Variants in DPYSL3 observed in about 807,000 individuals in gnomAD.
The protein encoded by DPYSL3 is dihydropyrimidinase like 3.
Under a neutral mutation model 66.1 loss-of-function variants are expected in DPYSL3, and 16 were observed. The observed-to-expected ratio is 0.24, with a 90% CI of 0.16 to 0.37. The LOEUF (loss-of-function observed/expected upper bound fraction) is 0.37. DPYSL3 is among the 10% of genes least tolerant of loss of function. The probability of loss-of-function intolerance (pLI) is 1.00; values close to 1 mark genes in which losing one functional copy is unlikely to be tolerated. For synonymous variants in DPYSL3, 338 were observed against 345.1 expected, an observed-to-expected ratio of 0.98 and a Z score of 0.23; for missense variants, 738 against 916.2, an observed-to-expected ratio of 0.81 and a Z score of 2.51.
At position 147,418,635 on chromosome 5, in the gene DPYSL3, G is replaced by A; in HGVS notation, c.471-4C>T. The A allele has an allele frequency of 6.4e-7, 1 of 1,561,756 alleles. No homozygotes were observed. The highest frequency in any genetic ancestry group is 8.7e-7 in the Non-Finnish European group (1 of 1,150,116). The stretch of plus-strand genomic sequence containing the variant: ...AATCAGATTGTCTCCAATTTGTCTG[G>A]TGAAACAAACAAACAAAAAAATGAT... On this transcript the variant is annotated splice_polypyrimidine_tract_variant and splice_region_variant and intron_variant, in intron 2 of 13. Coordinates refer to ENST00000343218, the MANE Select transcript of DPYSL3 (RefSeq NM_001197294.2).
At chr5:147,440,225 C>T (rs1752507852) in intron 1 of DPYSL3, among the ~76,000 whole-genome samples, 1 of 152,136 alleles carries the variant, frequency 6.6e-6, no homozygotes, top group Non-Finnish European at 1.5e-5. Context: ...ATGGCATGAA[C>T]CTGGGAGGCG....
intron 1 of DPYSL3, among the ~76,000 whole-genome samples, chr5:147,500,843 C>A (rs536413092): frequency 6.6e-6 from 1 of 152,256 alleles, no homozygotes; most frequent in Non-Finnish European, 1.5e-5. Flanking sequence ...TGTGGAGCAA[C>A]AAGAATACTC....
At chr5:147,476,936 A>G (rs550819271) in intron 1 of DPYSL3, among the ~76,000 whole-genome samples, 60 of 152,328 alleles carry the variant, frequency 3.9e-4, no homozygotes, top group Non-Finnish European at 7.9e-4. Context: ...GGTTCATCAG[A>G]TTCTTTCAGA....
At chr5:147,410,399 C>T (rs1335253708) in intron 6 of DPYSL3, among the ~76,000 whole-genome samples, 2 of 152,090 alleles carry the variant, frequency 1.3e-5, no homozygotes, top group Admixed American at 1.3e-4. Context: ...GCTAGGAAGT[C>T]CTATTCTGAA....
At chr5:147,464,585 T>A (rs1363956293) in intron 1 of DPYSL3, among the ~76,000 whole-genome samples, 2 of 152,208 alleles carry the variant, frequency 1.3e-5, no homozygotes, top group Non-Finnish European at 2.9e-5. Flanking sequence ...GTATAGTACC[T>A]TTGTGAACTA....
At chr5:147,470,758 T>C (rs1753074836) in intron 1 of DPYSL3, among the ~76,000 whole-genome samples, 1 of 152,146 alleles carries the variant, frequency 6.6e-6, no homozygotes, top group African/African-American at 2.4e-5. Context: ...TCATACCCTC[T>C]GCCTGAAATG....
At chr5:147,454,342 A>G (rs2126401370) in intron 1 of DPYSL3, 1 of 152,318 alleles carries the variant, frequency 6.6e-6, no homozygotes, top group East Asian at 1.9e-4. Context: ...GCCCCTTCAG[A>G]CGCCGGAGAC....
chr5:147,504,013 C>T (rs1399343110), intron 1 of DPYSL3, among the ~76,000 whole-genome samples: 1 of 152,178 alleles, frequency 6.6e-6, no homozygotes, highest in Non-Finnish European at 1.5e-5. Flanking sequence ...TTTAAAAGTG[C>T]TCACACACCT....
At chr5:147,422,654 T>C (rs1474337283) in intron 2 of DPYSL3, among the ~76,000 whole-genome samples, 1 of 151,970 alleles carries the variant, frequency 6.6e-6, no homozygotes, top group East Asian at 1.9e-4. Context: ...ATATACATCA[T>C]GAAATACTAT....
intron 1 of DPYSL3, among the ~76,000 whole-genome samples, chr5:147,434,924 A>G (rs1004118192): frequency 2.6e-5 from 4 of 152,244 alleles, no homozygotes; most frequent in African/African-American, 7.2e-5. Context: ...TCTTCAATGT[A>G]TCAATATTGG....
chr5:147,405,676 G>A lies in DPYSL3; in HGVS notation c.1087C>T (p.Pro363Ser), dbSNP rs1194770990. The A allele has an allele frequency of 6.2e-7, 1 of 1,613,988 alleles. No individual in the cohort carries two copies. The highest frequency in any genetic ancestry group is 8.5e-7 in the Non-Finnish European group (1 of 1,179,994). ...CTCATGACCTTTGTGACGTAGAGAGGGCAATTGGTTTGGCTGGCAATGGTG... is the reference window on the plus strand; with the variant it reads ...CTCATGACCTTTGTGACGTAGAGAGAGCAATTGGTTTGGCTGGCAATGGTG... ...AITIASQTNC[P>S]LYVTKVMSKS... The change falls in exon 8 of 14, where the codon CCT (proline) becomes TCT (serine). Residue 363 changes from proline (P) to serine (S), a missense_variant. Coordinates refer to ENST00000343218, the MANE Select transcript of DPYSL3 (RefSeq NM_001197294.2).
intron 3 of DPYSL3, 107 bp from the exon 4 acceptor site, chr5:147,415,980 C>T (rs920991004): frequency 2.3e-6 from 3 of 1,284,990 alleles, no homozygotes; most frequent in South Asian, 3.0e-5. Flanking sequence ...TCTCTATTTC[C>T]TGAGCATGGA....
intron 1 of DPYSL3, among the ~76,000 whole-genome samples, chr5:147,469,526 C>A (rs1051317537): frequency 1.3e-5 from 2 of 152,190 alleles, no homozygotes; most frequent in African/African-American, 4.8e-5. Flanking sequence ...TCTGGGAATG[C>A]TCCAATAAAC....
chr5:147,426,014 C>T (rs998003650), intron 1 of DPYSL3, among the ~76,000 whole-genome samples: 1 of 151,350 alleles, frequency 6.6e-6, no homozygotes, highest in Non-Finnish European at 1.5e-5. Flanking sequence ...TCCATCCATC[C>T]ATCCATCCAT....
Position 147,408,710 on chromosome 5 carries a change from T to C in DPYSL3, c.1032+18A>G. On this transcript the variant is annotated intron_variant, in intron 7 of 13. Coordinates refer to ENST00000343218, the MANE Select transcript of DPYSL3 (RefSeq NM_001197294.2). ...TTATTCATGCGTTGTGTGTGCACCT[T>C]CATCCCCTGTAACTTACCTCTTCTG... 6.2e-7 allele frequency: 1 copy of C among 1,613,596 alleles called. No individual in the cohort carries two copies.
chr5:147,506,280 GT>G (rs1429650876), intron 1 of DPYSL3, among the ~76,000 whole-genome samples: 2 of 152,078 alleles, frequency 1.3e-5, no homozygotes, highest in Non-Finnish European at 2.9e-5. Flanking sequence ...TTTGGGGGTG[GT>G]TTGTTTTAAA....
At chr5:147,456,965 T>G (rs1268251274) in intron 1 of DPYSL3, among the ~76,000 whole-genome samples, 1 of 152,152 alleles carries the variant, frequency 6.6e-6, no homozygotes. Flanking sequence ...TGTTTAGCCA[T>G]CATTTGGCTA....
At chr5:147,459,753 C>T (rs1029167324) in intron 1 of DPYSL3, among the ~76,000 whole-genome samples, 2 of 152,222 alleles carry the variant, frequency 1.3e-5, no homozygotes, top group Admixed American at 1.3e-4. Context: ...TTGAAGGATT[C>T]TGACCTGCTC....
intron 1 of DPYSL3, among the ~76,000 whole-genome samples, chr5:147,443,572 C>G (rs1280147271): frequency 6.6e-6 from 1 of 150,450 alleles, no homozygotes; most frequent in Non-Finnish European, 1.5e-5. Flanking sequence ...AACAAACCTG[C>G]ACGTTCTGCA....
Sources: gnomAD v4.1 joint callset for allele counts (sites outside exome capture counted in the v4.1 genomes callset) on GRCh38, gnomAD v4.1.1 for gene constraint, MANE v1.5 for transcripts, NCBI Gene and HGNC (gene_info 2026-07-23, HGNC 2026-07-21) for gene names.